The following TBP variants were observed in gnomAD, a reference collection of about 807,000 sequenced individuals.
TBP encodes TATA-box-binding protein.
Under a neutral mutation model 46.2 loss-of-function variants are expected in TBP, and 12 were observed. The ratio of observed to expected loss-of-function variants is 0.26; its 90% CI spans 0.17 to 0.42. The LOEUF (loss-of-function observed/expected upper bound fraction) is 0.42. Among genes scored for constraint, TBP ranks in the 10% least tolerant of loss-of-function variants. The pLI is 1.00. For missense variants in TBP, 229 were observed against 403.1 expected, an observed-to-expected ratio of 0.57 and a Z score of 3.70; for synonymous variants, 157 against 148.3, an observed-to-expected ratio of 1.06 and a Z score of -0.42.
intron 4 of TBP, among the ~76,000 whole-genome samples, chr6:170,566,345 C>T (rs1464574444): frequency 6.6e-6 from 1 of 152,048 alleles, no homozygotes; most frequent in Non-Finnish European, 1.5e-5. Flanking sequence ...GCATAAAAAG[C>T]AGAAAATAAA....
In TBP at chr6:170,559,242, G is replaced by A. The variant is rs1779093626; in HGVS notation, c.54+2159G>A. Among the ~76,000 whole-genome samples the A allele has an allele frequency of 2.0e-5, 3 of 152,158 alleles. No individual in the cohort carries two copies. In the South Asian group the frequency reaches 6.2e-4, roughly 32 times the overall value. ...AAGTGTTCAGATGAAGGGAAGAGCT[G>A]CACATCTCTCATTTGAAACCAAAAG... On this transcript the variant is annotated intron_variant, in intron 2 of 7. Coordinates refer to ENST00000392092, the MANE Select transcript of TBP (RefSeq NM_003194.5).
At chr6:170,561,106 G>A (rs759436776) in intron 2 of TBP, among the ~76,000 whole-genome samples, 6 of 152,152 alleles carry the variant, frequency 3.9e-5, no homozygotes, top group Non-Finnish European at 7.3e-5. Flanking sequence ...CATCAACATC[G>A]AGGCAAGATC....
At chr6:170,560,981 A>C (rs1021732522) in intron 2 of TBP, among the ~76,000 whole-genome samples, 2 of 152,224 alleles carry the variant, frequency 1.3e-5, no homozygotes, top group African/African-American at 4.8e-5. Context: ...GCTGTCAAAT[A>C]GTATCATATG....
At chr6:170,562,398 A>G (rs899144215) in intron 3 of TBP, among the ~76,000 whole-genome samples, 165 bp downstream of exon 3, 4 of 152,210 alleles carry the variant, frequency 2.6e-5, no homozygotes, top group African/African-American at 4.8e-5. Context: ...AAGCAAAGCT[A>G]TCTTAGTCAG....
chr6:170,555,713 A>C (rs1356567532), intron 1 of TBP, among the ~76,000 whole-genome samples: 1 of 152,128 alleles, frequency 6.6e-6, no homozygotes, highest in Admixed American at 6.6e-5. Flanking sequence ...TCATGATCAC[A>C]TACTGTATTC....
chr6:170,570,823 A>C (rs1406908900), intron 6 of TBP, among the ~76,000 whole-genome samples: 1 of 151,344 alleles, frequency 6.6e-6, no homozygotes, highest in Non-Finnish European at 1.5e-5. Flanking sequence ...ACACAGCAAG[A>C]CTCCGTCTCA....
At position 170,572,196 on chromosome 6, in the gene TBP, CAG is replaced by C. The variant is rs1779377652; in HGVS notation, c.954_955del (p.Arg318SerfsTer5). ...GKVVLTGAKV[R>X]AEIYEAFENI... ...AACTTGTCTTCTTAGGTGCTAAAGTCAGAGCAGAAATTTATGAAGCATTTGAA... is the reference window on the plus strand; with the variant it reads ...AACTTGTCTTCTTAGGTGCTAAAGTCAGCAGAAATTTATGAAGCATTTGAA... On this transcript the variant is annotated frameshift_variant, in exon 8 of 8. Transcript: ENST00000392092. LOFTEE classifies it high-confidence loss of function. 6.2e-7 allele frequency: 1 copy of C among 1,613,686 alleles called. No individual in the cohort carries two copies. The highest frequency in any genetic ancestry group is 1.7e-5 in the Admixed American group (1 of 59,992).
chr6:170,562,341 C>T lies in TBP; in HGVS notation c.497+108C>T, dbSNP rs74416461. On this transcript the variant is annotated intron_variant, in intron 3 of 7. Transcript: ENST00000392092. ...TTATTAAGGGAGGGAGTGGCACTAA[C>T]GGTAATTGTGTATCAAAATTTGCTT... 8.1e-4 allele frequency: 993 copies of T among 1,230,564 alleles called. 13 individuals are homozygous for T. In the East Asian group the frequency reaches 0.023, roughly 28 times the overall value. The allele number at this position is 1,230,564 out of a possible 1,614,324, so 76.2% of individuals were successfully genotyped here.
chr6:170,571,359 A>G (rs1337955173), intron 6 of TBP, 51 bp from the exon 7 acceptor site: 2 of 1,359,796 alleles, frequency 1.5e-6, no homozygotes, highest in East Asian at 2.3e-5. Flanking sequence ...CATTTTATCT[A>G]AAAGCACACA....
chr6:170,560,476 A>G (rs1182437059), intron 2 of TBP, among the ~76,000 whole-genome samples: 1 of 152,254 alleles, frequency 6.6e-6, no homozygotes, highest in Non-Finnish European at 1.5e-5. Context: ...GAAAGGAAGC[A>G]GGGAGGGACA....
intron 3 of TBP, among the ~76,000 whole-genome samples, chr6:170,563,349 C>T (rs891357870): frequency 1.3e-5 from 2 of 152,222 alleles, no homozygotes; most frequent in Admixed American, 6.5e-5. Flanking sequence ...TGAATTTCCA[C>T]TATCTACTAA....
In TBP at chr6:170,562,052, A is replaced by G. The variant is rs148074761; in HGVS notation, c.316A>G (p.Thr106Ala). ...GGCAGCTGCAGCCGTTCAGCAGTCAACGTCCCAGCAGGCAACACAGGGAAC... is the reference window on the plus strand; with the variant it reads ...GGCAGCTGCAGCCGTTCAGCAGTCAGCGTCCCAGCAGGCAACACAGGGAAC... ...AVAAAAVQQS[T>A]SQQATQGTSG... The change falls in exon 3 of 8, where the codon ACG (threonine) becomes GCG (alanine). Residue 106 changes from threonine (T) to alanine (A), a missense_variant. This residue lies in a region of TBP where 69 missense variants were observed against 66.2 expected (regional missense o/e 1.04). Coordinates refer to ENST00000392092, the MANE Select transcript of TBP (RefSeq NM_003194.5). 288 of 1,613,666 alleles carry G rather than the reference A, an allele frequency of 1.8e-4. 1 individual carries two copies. Among genetic ancestry groups the G allele is most frequent in the African/African-American group, 1.5e-3 (116 of 74,920 alleles).
intron 5 of TBP, among the ~76,000 whole-genome samples, chr6:170,569,031 T>C (rs1779324632): frequency 6.6e-6 from 1 of 151,928 alleles, no homozygotes; most frequent in Non-Finnish European, 1.5e-5. Flanking sequence ...CAAGCTGGTC[T>C]CGAACTCTTG....
At chr6:170,566,793 A>G (rs1779258629) in intron 4 of TBP, 125 bp from the exon 5 acceptor site, 4 of 646,884 alleles carry the variant, frequency 6.2e-6, no homozygotes, top group South Asian at 2.1e-5. Context: ...CAGAACAAAT[A>G]TTTTGATAAC....
At chr6:170,557,105 A>C in intron 2 of TBP, 22 bp downstream of exon 2, 1 of 1,609,678 alleles carries the variant, frequency 6.2e-7, no homozygotes, top group Non-Finnish European at 8.5e-7. Context: ...GGAGGGAGAG[A>C]ATAGGGAGGG....
At chr6:170,561,291 G>C (rs6940817) in intron 2 of TBP, among the ~76,000 whole-genome samples, 84,012 of 152,100 alleles carry the variant, frequency 0.55, 23,737 homozygotes, top group East Asian at 0.79. Flanking sequence ...CCAAAAAATT[G>C]ATGCCGCTTG....
chr6:170,554,983 C>T (rs569958402), intron 1 of TBP, among the ~76,000 whole-genome samples: 1 of 152,330 alleles, frequency 6.6e-6, no homozygotes, highest in South Asian at 2.1e-4. Flanking sequence ...TTTTCCAAAT[C>T]TCTAGGTAGA....
intron 2 of TBP, among the ~76,000 whole-genome samples, chr6:170,560,258 G>T (rs1006417537): frequency 6.6e-6 from 1 of 152,086 alleles, no homozygotes; most frequent in Admixed American, 6.5e-5. Flanking sequence ...CAGTACTTTG[G>T]GAGGCCAAGG....
At chr6:170,568,815 C>CTTTTT (rs377394208) in intron 5 of TBP, among the ~76,000 whole-genome samples, 3,212 of 62,544 alleles carry the variant, frequency 0.051, 712 homozygotes, top group East Asian at 0.084. Context: ...CTTTCCTTTT[C>CTTTTT]TTTTTTTTTT....
Sources: gnomAD v4.1 joint callset for allele counts (sites outside exome capture counted in the v4.1 genomes callset) on GRCh38, gnomAD v4.1.1 for gene constraint, gnomAD v4.1.1 regional missense constraint, MANE v1.5 for transcripts, NCBI Gene and HGNC (gene_info 2026-07-23, HGNC 2026-07-21) for gene names.